The following PCDHA4 variants were observed in gnomAD, a reference collection of about 807,000 sequenced individuals.
PCDHA4 encodes the protein protocadherin alpha-4.
PCDHA4 carries 49 observed loss-of-function variants against 61.4 expected under a neutral mutation model. The observed-to-expected ratio is 0.80, with a 90% confidence interval of 0.63 to 1.01. PCDHA4 has a LOEUF of 1.01. Ranked by LOEUF, PCDHA4 falls within the 50% of genes least tolerant of loss-of-function variation. The pLI is 0.00. For missense variants in PCDHA4, 1,254 were observed against 1,235.8 expected, an observed-to-expected ratio of 1.01 and a Z score of -0.22; for synonymous variants, 590 against 550.3, an observed-to-expected ratio of 1.07 and a Z score of -1.01.
chr5:140,834,278 A>G (rs1772879632), intron 1 of PCDHA4: 2 of 1,087,966 alleles, frequency 1.8e-6, no homozygotes, highest in Admixed American at 2.3e-5. Flanking sequence ...CACTCTTTGG[A>G]TGCACAACAA....
rs782030896 is a variant in PCDHA4, at chr5:140,857,680, G to C, written c.2385+48108G>C. ...CGCGCGATGGGGGCGTGCCGCCTCT[G>C]GGCAGCAACTTGACGCTGCAGGTGT... On this transcript the variant is annotated intron_variant, in intron 1 of 3. Coordinates refer to ENST00000530339, the MANE Select transcript of PCDHA4 (RefSeq NM_018907.4). 20 of 1,597,122 alleles carry C rather than the reference G, an allele frequency of 1.3e-5. 2 individuals are homozygous for C. Among genetic ancestry groups the C allele is most frequent in the South Asian group, 2.2e-5 (2 of 90,508 alleles).
intron 1 of PCDHA4, among the ~76,000 whole-genome samples, chr5:140,940,415 A>G (rs1187271340): frequency 2.0e-5 from 3 of 152,118 alleles, no homozygotes; most frequent in African/African-American, 7.2e-5. Flanking sequence ...TAAAAATTAT[A>G]ATTATTACTG....
intron 1 of PCDHA4, among the ~76,000 whole-genome samples, chr5:140,950,672 C>A (rs76583571): frequency 0.016 from 2,473 of 152,120 alleles, 63 homozygotes; most frequent in African/African-American, 0.055. Context: ...CAAACATGTA[C>A]ATGTATATTG....
chr5:140,934,625 A>G (rs1554210030), intron 1 of PCDHA4, among the ~76,000 whole-genome samples: 1 of 152,116 alleles, frequency 6.6e-6, no homozygotes, highest in Non-Finnish European at 1.5e-5. Context: ...GGTACAGTTC[A>G]CACAGGAAAG....
At chr5:140,871,719 T>C in intron 1 of PCDHA4, 1 of 783,566 alleles carries the variant, frequency 1.3e-6, no homozygotes, top group Non-Finnish European at 1.9e-6. Context: ...CCTATTTCTC[T>C]TAATATTTGG....
At chr5:140,973,207 A>C (rs1335984656) in intron 1 of PCDHA4, among the ~76,000 whole-genome samples, 1 of 152,100 alleles carries the variant, frequency 6.6e-6, no homozygotes, top group Non-Finnish European at 1.5e-5. Flanking sequence ...GTGCATATTC[A>C]CCCTAATTCC....
intron 1 of PCDHA4, chr5:140,815,961 G>C (rs1765822875): frequency 6.6e-6 from 1 of 152,150 alleles, no homozygotes; most frequent in Non-Finnish European, 1.5e-5. Context: ...AGTTAGGGGT[G>C]TTCTTTTGTA....
chr5:140,972,700 T>C (rs1353443535), intron 1 of PCDHA4, among the ~76,000 whole-genome samples: 3 of 147,702 alleles, frequency 2.0e-5, no homozygotes, highest in African/African-American at 7.5e-5. Context: ...AGTCTCACTC[T>C]GTTGCCAGGC....
At chr5:140,828,388 C>A in intron 1 of PCDHA4, 1 of 1,614,274 alleles carries the variant, frequency 6.2e-7, no homozygotes, top group Non-Finnish European at 8.5e-7. Context: ...GCGGGCGGAG[C>A]GCGGAGTGCA....
At chr5:140,914,248 G>T (rs1228200797) in intron 1 of PCDHA4, among the ~76,000 whole-genome samples, 1 of 151,850 alleles carries the variant, frequency 6.6e-6, no homozygotes, top group Non-Finnish European at 1.5e-5. Flanking sequence ...TTTATATCTG[G>T]GTGCTTCAAT....
chr5:140,810,430 T>C (rs1297266211), intron 1 of PCDHA4: 18 of 152,238 alleles, frequency 1.2e-4, no homozygotes, highest in Non-Finnish European at 2.2e-4. Flanking sequence ...CAAGATGTTT[T>C]TACCTGTTTA....
rs200597765 is a variant in PCDHA4, at chr5:140,848,761, G to T, written c.2385+39189G>T. 1.1e-5 allele frequency: 18 copies of T among 1,593,344 alleles called. 1 individual carries two copies. The highest frequency in any genetic ancestry group is 1.0e-4 in the Admixed American group (6 of 59,114). On this transcript the variant is annotated intron_variant, in intron 1 of 3. Coordinates refer to ENST00000530339, the MANE Select transcript of PCDHA4 (RefSeq NM_018907.4). ...AATGGCATTTTGTTTGTGAATTCTCGGATCGACCGCGAGGAGCTGTGCGGG... is the reference window on the plus strand; with the variant it reads ...AATGGCATTTTGTTTGTGAATTCTCTGATCGACCGCGAGGAGCTGTGCGGG...
At chr5:140,927,471 C>A (rs1371582285) in intron 1 of PCDHA4, 2 of 1,613,968 alleles carry the variant, frequency 1.2e-6, no homozygotes, top group African/African-American at 1.3e-5. Flanking sequence ...CACTGGATCG[C>A]GAACAGCGCG....
At chr5:140,887,982 A>T (rs1372528675) in intron 1 of PCDHA4, among the ~76,000 whole-genome samples, 1 of 152,180 alleles carries the variant, frequency 6.6e-6, no homozygotes, top group African/African-American at 2.4e-5. Flanking sequence ...AATTTATTTT[A>T]CATGTCTCCA....
rs541123870 is a variant in PCDHA4 at position 140,857,278 on chromosome 5, C to T, written c.2385+47706C>T. 4.4e-6 allele frequency: 7 copies of T among 1,598,684 alleles called. No individual in the cohort carries two copies. The South Asian group carries it at 7.7e-5, about 18-fold the overall frequency. On this transcript the variant is annotated intron_variant, in intron 1 of 3. Coordinates refer to ENST00000530339, the MANE Select transcript of PCDHA4 (RefSeq NM_018907.4). ...ATTACTACTCATTGGTGCTGGACAG[C>T]GCTCTGGACCGCGAGAGGGTGTCGG...
In PCDHA4 at chr5:140,883,030, C is replaced by G. The variant is rs1554176556; in HGVS notation, c.2385+73458C>G. ...TTTATAAAGTGACGGTGTTAGAGAA[C>G]GCCTTCAATGGAACATTAGTGATCA... On this transcript the variant is annotated intron_variant, in intron 1 of 3. Coordinates refer to ENST00000530339, the MANE Select transcript of PCDHA4 (RefSeq NM_018907.4). 1 of 1,613,940 alleles carries G rather than the reference C, an allele frequency of 6.2e-7. No individual in the cohort carries two copies. Among genetic ancestry groups the G allele is most frequent in the Non-Finnish European group, 8.5e-7 (1 of 1,180,036 alleles).
At chr5:140,875,941 G>A in intron 1 of PCDHA4, 3 of 1,614,160 alleles carry the variant, frequency 1.9e-6, no homozygotes, top group East Asian at 4.5e-5. Context: ...TCTAGAGGGC[G>A]CTTCTGATGC....
intron 3 of PCDHA4, among the ~76,000 whole-genome samples, chr5:140,992,217 C>T (rs1281643880): frequency 6.6e-6 from 1 of 152,088 alleles, no homozygotes; most frequent in Non-Finnish European, 1.5e-5. Flanking sequence ...AACTACTCTC[C>T]CTTCCTGGGA....
chr5:140,836,773 A>G lies in PCDHA4; in HGVS notation c.2385+27201A>G, dbSNP rs2150269695. On this transcript the variant is annotated intron_variant, in intron 1 of 3. Transcript: ENST00000530339. ...AAATAATCTTGTTTCCAACAATTTT[A>G]AAACAATTAGTTCAATTGGTCTCCT... is the stretch of plus-strand genomic sequence containing the variant. The G allele has an allele frequency of 2.6e-6, 4 of 1,543,022 alleles. No individual in the cohort carries two copies. The East Asian group carries it at 9.0e-5, about 35-fold the overall frequency.
Sources: gnomAD v4.1 joint callset for allele counts (sites outside exome capture counted in the v4.1 genomes callset) on GRCh38, gnomAD v4.1.1 for gene constraint, MANE v1.5 for transcripts, NCBI Gene and HGNC (gene_info 2026-07-23, HGNC 2026-07-21) for gene names.